Variants in ARMC9 observed in about 807,000 individuals in gnomAD.
ARMC9 encodes the protein armadillo repeat containing 9.
In ARMC9, 94 loss-of-function variants were observed where a neutral mutation model predicts 107.0. The ratio of observed to expected loss-of-function variants is 0.88; its 90% CI spans 0.74 to 1.04. The LOEUF is 1.04. Among genes scored for constraint, ARMC9 ranks in the 50% least tolerant of loss-of-function variants. The pLI, the probability that ARMC9 is intolerant of heterozygous loss-of-function variation, is 0.00. For synonymous variants in ARMC9, 380 were observed against 396.9 expected, an observed-to-expected ratio of 0.96 and a Z score of 0.51; for missense variants, 942 against 1,030.1, an observed-to-expected ratio of 0.91 and a Z score of 1.17.
chr2:231,337,301 T>A (rs1320959830), intron 20 of ARMC9, among the ~76,000 whole-genome samples: 8 of 118,698 alleles, frequency 6.7e-5, no homozygotes, highest in Admixed American at 1.7e-4. Flanking sequence ...TTTTTTTTTT[T>A]TTTTTTTTTT....
chr2:231,258,855 C>G (rs1271623391), intron 10 of ARMC9, 136 bp from the exon 11 acceptor site: 2 of 754,462 alleles, frequency 2.7e-6, no homozygotes, highest in African/African-American at 3.5e-5. Flanking sequence ...GCCCGCCCTC[C>G]AAGTGGAAGC....
At chr2:231,276,878 G>GA in intron 15 of ARMC9, 103 bp downstream of exon 15, 1 of 1,448,858 alleles carries the variant, frequency 6.9e-7, no homozygotes, top group Non-Finnish European at 9.2e-7. Context: ...TAGTCTCATA[G>GA]AAAACTAAAA....
intron 16 of ARMC9, among the ~76,000 whole-genome samples, chr2:231,280,335 G>C (rs2040109942): frequency 6.6e-6 from 1 of 152,160 alleles, no homozygotes; most frequent in Admixed American, 6.6e-5. Context: ...GCTTGTGCCT[G>C]TAATCCTAGC....
intron 20 of ARMC9, among the ~76,000 whole-genome samples, chr2:231,336,871 C>T (rs2044125187): frequency 6.6e-6 from 1 of 152,174 alleles, no homozygotes; most frequent in Admixed American, 6.5e-5. Context: ...GAGCTGCCCC[C>T]AGCCTGTCTT....
chr2:231,232,455 CTTTTT>C (rs373033096), intron 7 of ARMC9, among the ~76,000 whole-genome samples: 1 of 143,926 alleles, frequency 6.9e-6, no homozygotes, highest in African/African-American at 2.5e-5. Flanking sequence ...TGCCAGGTGA[CTTTTT>C]TTTTTTTTGA....
At chr2:231,333,260 T>C (rs2043860328) in intron 20 of ARMC9, among the ~76,000 whole-genome samples, 1 of 152,208 alleles carries the variant, frequency 6.6e-6, no homozygotes, top group Admixed American at 6.5e-5. Context: ...TGGGATTTTA[T>C]TTACAAGAGC....
chr2:231,232,418 G>A (rs1221790724), intron 7 of ARMC9, among the ~76,000 whole-genome samples: 1 of 151,784 alleles, frequency 6.6e-6, no homozygotes, highest in African/African-American at 2.4e-5. Context: ...CCATTCTCAG[G>A]GGAGTCAAGT....
intron 18 of ARMC9, chr2:231,294,635 G>T: frequency 6.5e-6 from 1 of 153,218 alleles, no homozygotes; most frequent in Non-Finnish European, 1.5e-5. Context: ...GGCAGGAGGA[G>T]GCAGAGAAAG....
chr2:231,273,105 G>A (rs2039482669), intron 14 of ARMC9, 27 bp downstream of exon 14: 4 of 1,602,872 alleles, frequency 2.5e-6, no homozygotes, highest in Non-Finnish European at 3.4e-6. Context: ...AGGTCACGGT[G>A]TCTCCTGTGA....
intron 23 of ARMC9, among the ~76,000 whole-genome samples, chr2:231,368,486 G>T (rs2045898831): frequency 6.6e-6 from 1 of 152,216 alleles, no homozygotes; most frequent in Admixed American, 6.5e-5. Context: ...CTGCATGGAT[G>T]TGTGGAGAGG....
At chr2:231,279,283 G>T (rs901786277) in intron 16 of ARMC9, among the ~76,000 whole-genome samples, 1 of 152,124 alleles carries the variant, frequency 6.6e-6, no homozygotes, top group Non-Finnish European at 1.5e-5. Context: ...TAAAGTAGAG[G>T]TATGTATGGG....
In ARMC9 at chr2:231,362,795, A is replaced by G. The variant is rs1039282313; in HGVS notation, c.2261+1912A>G. ...CATCTAGAATGCTGTAATATTCTAA[A>G]TCACAAGTGGCCATCTCTTGTCAGG... On this transcript the variant is annotated intron_variant, in intron 23 of 24. Coordinates refer to ENST00000611582, the MANE Select transcript of ARMC9 (RefSeq NM_001352754.2). The surrounding 1 kb of genome is among the most constrained non-coding windows in gnomAD (Gnocchi z 4.7). 2 of 153,836 alleles carry G rather than the reference A, an allele frequency of 1.3e-5. No individual in the cohort carries two copies. The highest frequency in any genetic ancestry group is 4.8e-5 in the African/African-American group (2 of 41,334). 9.5% of individuals were successfully genotyped at this position (153,836 alleles called of 1,614,324 possible). A position where few individuals can be genotyped will look rare whatever the true frequency, so the allele number is the denominator to read the frequency against.
rs1031011185 is a variant in ARMC9 at position 231,255,844 on chromosome 2, T to C, written c.880-742T>C. Among the ~76,000 whole-genome samples the C allele has an allele frequency of 1.3e-5, 2 of 152,180 alleles. No homozygotes were observed. The highest frequency in any genetic ancestry group is 4.8e-5 in the African/African-American group (2 of 41,444). On this transcript the variant is annotated intron_variant, in intron 9 of 24. Coordinates refer to ENST00000611582, the MANE Select transcript of ARMC9 (RefSeq NM_001352754.2). This position sits in a 1 kb window ranked among gnomAD's most constrained non-coding sequence, Gnocchi z 4.7. ...CGAGGTCAGGAGATTGAGACCATCCTGGCTAACACGGTGAAACCCCGTTTC... is the reference window on the plus strand; with the variant it reads ...CGAGGTCAGGAGATTGAGACCATCCCGGCTAACACGGTGAAACCCCGTTTC...
intron 19 of ARMC9, among the ~76,000 whole-genome samples, chr2:231,328,514 G>A (rs1037631896): frequency 2.0e-5 from 3 of 152,092 alleles, no homozygotes; most frequent in East Asian, 1.9e-4. Flanking sequence ...TGTAAGATAC[G>A]AGAATTAGAT....
intron 7 of ARMC9, among the ~76,000 whole-genome samples, chr2:231,227,700 G>C (rs2034777814): frequency 6.6e-6 from 1 of 152,250 alleles, no homozygotes; most frequent in Non-Finnish European, 1.5e-5. Flanking sequence ...TGGCAGATAA[G>C]CAATGGGGTT....
chr2:231,284,480 C>T (rs59680904), intron 17 of ARMC9, among the ~76,000 whole-genome samples: 18,803 of 152,258 alleles, frequency 0.12, 2,498 homozygotes, highest in African/African-American at 0.32. Context: ...CAAGCTCACT[C>T]ACCTGGCTGT....
At chr2:231,295,662 A>AGAGC (rs1465537967) in intron 18 of ARMC9, 1 of 152,324 alleles carries the variant, frequency 6.6e-6, no homozygotes, top group Non-Finnish European at 1.5e-5. Flanking sequence ...GATGAACCAC[A>AGAGC]GAGCCTTCAG....
Position 231,375,932 on chromosome 2 carries a change from T to G in ARMC9, c.*4397T>G, listed in dbSNP as rs565170665. Among the ~76,000 whole-genome samples the G allele has an allele frequency of 6.6e-6, 1 of 152,322 alleles. No individual in the cohort carries two copies. The highest frequency in any genetic ancestry group is 2.4e-5 in the African/African-American group (1 of 41,572). On this transcript the variant is annotated 3_prime_UTR_variant, in exon 25 of 25. Coordinates refer to ENST00000611582, the MANE Select transcript of ARMC9 (RefSeq NM_001352754.2). This position sits in a 1 kb window ranked among gnomAD's most constrained non-coding sequence, Gnocchi z 4.3. The stretch of plus-strand genomic sequence containing the variant: ...GAAGCCATGACAGAAGAACGTGGAT[T>G]GTGATGATTTCATGGACATTTATTA...
intron 9 of ARMC9, among the ~76,000 whole-genome samples, chr2:231,248,431 A>T (rs2036969813): frequency 6.6e-6 from 1 of 152,152 alleles, no homozygotes; most frequent in African/African-American, 2.4e-5. Context: ...GCATCCGATC[A>T]TATTACTATC....
Sources: gnomAD v4.1 joint callset for allele counts (sites outside exome capture counted in the v4.1 genomes callset) on GRCh38, gnomAD v4.1.1 for gene constraint, Gnocchi (gnomAD v3.1) non-coding constraint, MANE v1.5 for transcripts, NCBI Gene and HGNC (gene_info 2026-07-23, HGNC 2026-07-21) for gene names.